SYN2: variants seen among roughly 807,000 people sequenced by gnomAD.
SYN2 encodes synapsin-2.
SYN2 carries 19 observed loss-of-function variants against 50.9 expected under a neutral mutation model. The observed-to-expected ratio is 0.37, with a 90% CI of 0.26 to 0.55. The LOEUF (loss-of-function observed/expected upper bound fraction) is 0.55, where lower values mean the gene tolerates loss of function less well. SYN2 is among the 20% of genes least tolerant of loss of function. The probability of loss-of-function intolerance (pLI) is 0.81; values close to 1 mark genes in which losing one functional copy is unlikely to be tolerated. For synonymous variants in SYN2, 255 were observed against 224.9 expected (o/e 1.13, Z -1.20); for missense variants, 587 against 576.4 (o/e 1.02, Z -0.19).
At chr3:12,165,714 T>A (rs1697770791) in intron 7 of SYN2, 1 of 152,296 alleles carries the variant, frequency 6.6e-6, no homozygotes, top group Admixed American at 6.5e-5. Context: ...TCTCTGCCCC[T>A]GCCTTGAGCA....
At chr3:12,021,999 G>A (rs1014788227) in intron 1 of SYN2, among the ~76,000 whole-genome samples, 2 of 151,894 alleles carry the variant, frequency 1.3e-5, no homozygotes, top group African/African-American at 2.4e-5. Context: ...GAGCCCAGGA[G>A]TAAGAGGTTG....
chr3:12,035,991 G>A (rs1261820952), intron 1 of SYN2, among the ~76,000 whole-genome samples: 1 of 152,156 alleles, frequency 6.6e-6, no homozygotes, highest in Non-Finnish European at 1.5e-5. Flanking sequence ...TAACTTCCTT[G>A]CTATTGTTTT....
chr3:12,184,992 A>T, intron 11 of SYN2: 1 of 985,806 alleles, frequency 1.0e-6, no homozygotes, highest in South Asian at 4.7e-5. Flanking sequence ...GTGGTATGTA[A>T]CAAGAGTTAC....
At chr3:12,134,024 TAGTG>T (rs963223522) in intron 1 of SYN2, among the ~76,000 whole-genome samples, 2 of 152,174 alleles carry the variant, frequency 1.3e-5, no homozygotes, top group African/African-American at 4.8e-5. Context: ...GAAAAATAGA[TAGTG>T]GTGGTGGTTG....
At chr3:12,088,173 G>A (rs796725835) in intron 1 of SYN2, among the ~76,000 whole-genome samples, 33 of 151,938 alleles carry the variant, frequency 2.2e-4, no homozygotes, top group African/African-American at 7.3e-4. Context: ...CTGATAAGCG[G>A]TTAATATCCA....
chr3:12,021,705 A>G (rs1694138216), intron 1 of SYN2, among the ~76,000 whole-genome samples: 2 of 152,210 alleles, frequency 1.3e-5, no homozygotes, highest in African/African-American at 4.8e-5. Flanking sequence ...GGGTAGCAGC[A>G]GCTAGAATGG....
chr3:12,132,686 T>C (rs1696820534), intron 1 of SYN2, among the ~76,000 whole-genome samples: 1 of 152,244 alleles, frequency 6.6e-6, no homozygotes, highest in South Asian at 2.1e-4. Flanking sequence ...TCCAGATAAG[T>C]GGACCTAATA....
intron 7 of SYN2, among the ~76,000 whole-genome samples, chr3:12,163,680 A>T (rs972827795): frequency 3.3e-5 from 5 of 151,930 alleles, no homozygotes; most frequent in Non-Finnish European, 5.9e-5. Context: ...GAGGCATAGA[A>T]TTTTTTTTTA....
chr3:12,161,445 T>C (rs1697646261), intron 5 of SYN2, 101 bp from the exon 6 acceptor site: 1 of 1,359,724 alleles, frequency 7.4e-7, no homozygotes, highest in Non-Finnish European at 1.0e-6. Flanking sequence ...ACTAGTTCTT[T>C]AAAGAACCCT....
intron 5 of SYN2, among the ~76,000 whole-genome samples, chr3:12,156,518 T>C (rs926835219): frequency 6.6e-6 from 1 of 152,202 alleles, no homozygotes; most frequent in Non-Finnish European, 1.5e-5. Context: ...GCCAAAAATC[T>C]TATACTAATT....
At chr3:12,065,058 A>T (rs142818674) in intron 1 of SYN2, among the ~76,000 whole-genome samples, 288 of 152,306 alleles carry the variant, frequency 1.9e-3, no homozygotes, top group Non-Finnish European at 3.6e-3. Flanking sequence ...GTACTGATAC[A>T]TGCTACAACA....
intron 1 of SYN2, among the ~76,000 whole-genome samples, chr3:12,099,993 C>T (rs901844456): frequency 1.5e-5 from 1 of 68,608 alleles, no homozygotes; most frequent in Non-Finnish European, 3.0e-5. Context: ...AAAAGAAGTG[C>T]CTACAGTGGA....
rs1698444580 is a variant in SYN2, at chr3:12,191,604, C to T, written c.*979C>T. ...TGTTTGAGAATGTGTCTGTCCTTTACATACCACTTCTGGGCCTCCTCGCAC... is the reference window on the plus strand; with the variant it reads ...TGTTTGAGAATGTGTCTGTCCTTTATATACCACTTCTGGGCCTCCTCGCAC... On this transcript the variant is annotated 3_prime_UTR_variant, in exon 13 of 13. Transcript: ENST00000621198. Among the ~76,000 whole-genome samples the T allele has an allele frequency of 6.6e-6, 1 of 152,142 alleles. No homozygotes were observed. Among genetic ancestry groups the T allele is most frequent in the South Asian group, 2.1e-4 (1 of 4,820 alleles).
intron 5 of SYN2, among the ~76,000 whole-genome samples, chr3:12,160,805 G>A (rs771554191): frequency 1.3e-5 from 2 of 152,206 alleles, no homozygotes; most frequent in Non-Finnish European, 2.9e-5. Flanking sequence ...TCACCATTTT[G>A]TAGCAGCTTG....
At chr3:12,037,934 CT>C (rs777859748) in intron 1 of SYN2, among the ~76,000 whole-genome samples, 32 of 151,966 alleles carry the variant, frequency 2.1e-4, no homozygotes, top group Non-Finnish European at 3.5e-4. Context: ...TCTGTTTTTT[CT>C]TTTGTTGCTT....
At chr3:12,045,273 C>A (rs530139775) in intron 1 of SYN2, among the ~76,000 whole-genome samples, 95 of 152,076 alleles carry the variant, frequency 6.2e-4, no homozygotes, top group African/African-American at 2.2e-3. Context: ...GATTATAATA[C>A]ATGAGAACTG....
intron 1 of SYN2, among the ~76,000 whole-genome samples, chr3:12,040,487 C>T (rs1298150670): frequency 7.3e-6 from 1 of 137,584 alleles, no homozygotes; most frequent in Non-Finnish European, 1.5e-5. Flanking sequence ...GGCTGGAGTG[C>T]GGTGGCGTGA....
Position 12,161,964 on chromosome 3 carries a change from G to A in SYN2, c.838-48G>A, listed in dbSNP as rs1483050694. 8 of 1,609,500 alleles carry A rather than the reference G, an allele frequency of 5.0e-6. No homozygotes were observed. In the African/African-American group the frequency reaches 8.0e-5, roughly 16 times the overall value. On this transcript the variant is annotated intron_variant, in intron 6 of 12. Transcript: ENST00000621198. ...GGGCCCTTGTGACTTCTCAGTGTGT[G>A]TATGTGTGTGTCTCCCTTTCCCCCT...
At chr3:12,067,080 C>T (rs529956163) in intron 1 of SYN2, among the ~76,000 whole-genome samples, 62 of 152,220 alleles carry the variant, frequency 4.1e-4, no homozygotes, top group Admixed American at 1.2e-3. Context: ...ATGCAAGTAC[C>T]TTTCACTGGG....
Sources: allele counts gnomAD v4.1 joint callset (sites outside exome capture counted in the v4.1 genomes callset), GRCh38; gene constraint gnomAD v4.1.1; transcripts MANE v1.5; gene names NCBI Gene and HGNC (gene_info 2026-07-23, HGNC 2026-07-21).